OR4D2: variants seen among roughly 807,000 people sequenced by gnomAD.
The protein encoded by OR4D2 is olfactory receptor family 4 subfamily D member 2.
In OR4D2, 9 loss-of-function variants were observed where a neutral mutation model predicts 12.4. The ratio of observed to expected loss-of-function variants is 0.73; its 90% confidence interval spans 0.44 to 1.27. OR4D2 has a LOEUF of 1.27. OR4D2 is among the 50% of genes most tolerant of loss of function. OR4D2 has a pLI of 0.00. For synonymous variants in OR4D2, 151 were observed against 151.1 expected, an observed-to-expected ratio of 1.00 and a Z score of 0.01; for missense variants, 373 against 381.6, an observed-to-expected ratio of 0.98 and a Z score of 0.19.
intron 1 of OR4D2, among the ~76,000 whole-genome samples, chr17:58,168,129 G>C (rs1056521401): frequency 1.3e-5 from 2 of 150,150 alleles, no homozygotes; most frequent in Non-Finnish European, 3.0e-5. Context: ...GAGGGTAAGA[G>C]AGATTGAGAC....
At chr17:58,168,238 G>A (rs901762678) in intron 1 of OR4D2, among the ~76,000 whole-genome samples, 23 of 150,624 alleles carry the variant, frequency 1.5e-4, no homozygotes, top group Non-Finnish European at 3.0e-4. Context: ...ACAGAGTCTC[G>A]CTCTGTCACC....
rs1037544416 is a variant in OR4D2, at chr17:58,169,723, T to G, written c.68T>G (p.Leu23Arg). 2.5e-6 allele frequency: 4 copies of G among 1,613,864 alleles called. No homozygotes were observed. The highest frequency in any genetic ancestry group is 3.4e-6 in the Non-Finnish European group (4 of 1,179,848). ...CTGGGGCTCTCGCAGACTCGGGAGC[T>G]CCAGCGTTTCCTGTTTCTAATGTTC... ...VFLGLSQTRE[L>R]QRFLFLMFLF... Residue 23 changes from leucine to arginine, a missense_variant, in exon 2 of 2, where the codon CTC becomes CGC. Coordinates refer to ENST00000545221, the MANE Select transcript of OR4D2 (RefSeq NM_001004707.4).
In OR4D2 at chr17:58,170,786, G is replaced by T. The variant is rs1334394409; in HGVS notation, c.*207G>T. ...TGTGATAAAGAGTTTTAACACACTCGCAACAATGAGAATTGTTCACATGGC... is the reference window on the plus strand; with the variant it reads ...TGTGATAAAGAGTTTTAACACACTCTCAACAATGAGAATTGTTCACATGGC... On this transcript the variant is annotated 3_prime_UTR_variant, in exon 2 of 2. Coordinates refer to ENST00000545221, the MANE Select transcript of OR4D2 (RefSeq NM_001004707.4). The T allele has an allele frequency of 3.5e-6, 2 of 575,554 alleles. No homozygotes were observed. Among genetic ancestry groups the T allele is most frequent in the Admixed American group, 3.1e-5 (1 of 32,224 alleles). The allele number at this position is 575,554 out of a possible 1,614,324, so 35.7% of individuals were successfully genotyped here. A position where few individuals can be genotyped will look rare whatever the true frequency, so the allele number is the denominator to read the frequency against.
Position 58,170,246 on chromosome 17 carries a change from C to T in OR4D2, c.591C>T (p.Phe197=), listed in dbSNP as rs751904941. Residue 197 remains phenylalanine (F), a synonymous_variant, in exon 2 of 2, where the codon TTC becomes TTT. Transcript: ENST00000545221. The stretch of plus-strand genomic sequence containing the variant: ...GCACTGACACCTCACTGCTGGAGTT[C>T]CTCAAGATCTCCAACAGTGGGCTGC... ...LACTDTSLLE[F]LKISNSGLLD... is the part of the protein sequence containing the mutation. 1 of 1,614,196 alleles carries T rather than the reference C, an allele frequency of 6.2e-7. No individual in the cohort carries two copies. The highest frequency in any genetic ancestry group is 8.5e-7 in the Non-Finnish European group (1 of 1,180,018).
Position 58,170,518 on chromosome 17 carries a change from C to A in OR4D2, c.863C>A (p.Thr288Asn), listed in dbSNP as rs200728893. 7 of 1,614,042 alleles carry A rather than the reference C, an allele frequency of 4.3e-6. No individual in the cohort carries two copies. Among genetic ancestry groups the A allele is most frequent in the Admixed American group, 1.7e-5 (1 of 60,010 alleles). The change falls in exon 2 of 2, where the codon ACC becomes AAC. Residue 288 changes from threonine to asparagine, a missense_variant. Coordinates refer to ENST00000545221, the MANE Select transcript of OR4D2 (RefSeq NM_001004707.4). ...MTPMLNPMIY[T>N]LRNQDMQAAV... ...CCCATGCTCAACCCCATGATCTATA[C>A]CCTGAGGAACCAGGACATGCAGGCA...
intron 1 of OR4D2, among the ~76,000 whole-genome samples, 193 bp downstream of exon 1, chr17:58,167,246 T>C (rs1308744105): frequency 2.6e-5 from 4 of 152,180 alleles, no homozygotes; most frequent in Non-Finnish European, 4.4e-5. Context: ...AATGCTATAA[T>C]GGAGGTATTT....
In OR4D2 at chr17:58,170,515, A is replaced by G; in HGVS notation, c.860A>G (p.Tyr287Cys). Reference protein sequence around the residue: ...VMTPMLNPMIYTLRNQDMQAA... With the variant: ...VMTPMLNPMICTLRNQDMQAA... ...ACCCCCATGCTCAACCCCATGATCT[A>G]TACCCTGAGGAACCAGGACATGCAG... Residue 287 changes from tyrosine (Y) to cysteine (C), a missense_variant, in exon 2 of 2, where the codon TAT becomes TGT. Transcript: ENST00000545221. The G allele has an allele frequency of 6.2e-7, 1 of 1,614,212 alleles. No homozygotes were observed. Among genetic ancestry groups the G allele is most frequent in the African/African-American group, 1.3e-5 (1 of 75,060 alleles).
rs942163428 is a variant in OR4D2 at position 58,169,851 on chromosome 17, C to T, written c.196C>T (p.Leu66=). The T allele has an allele frequency of 1.9e-6, 3 of 1,614,096 alleles. No homozygotes were observed. The highest frequency in any genetic ancestry group is 1.6e-4 in the Middle Eastern group (1 of 6,084). ...HTPMYFLLRN[L]AVLDLCFSSV... is the part of the protein sequence containing the mutation. Reference sequence around the variant, plus strand: ...ACCCATGTACTTTCTGCTCCGAAACCTGGCTGTCCTAGACCTCTGTTTCTC... The same window carrying T: ...ACCCATGTACTTTCTGCTCCGAAACTTGGCTGTCCTAGACCTCTGTTTCTC... Residue 66 remains leucine, a synonymous_variant, in exon 2 of 2, where the codon CTG becomes TTG. Transcript: ENST00000545221.
intron 1 of OR4D2, chr17:58,169,332 T>A (rs894230538): frequency 5.6e-5 from 19 of 341,676 alleles, no homozygotes; most frequent in Admixed American, 5.6e-4. Flanking sequence ...TTACTCATGG[T>A]CAAATCACAA....
At position 58,169,791 on chromosome 17, in the gene OR4D2, A is replaced by T; in HGVS notation, c.136A>T (p.Ile46Phe). The T allele has an allele frequency of 6.2e-7, 1 of 1,614,102 alleles. No individual in the cohort carries two copies. Residue 46 changes from isoleucine to phenylalanine, a missense_variant, in exon 2 of 2, where the codon ATC becomes TTC. Physicochemically the swap from Ile to Phe is conservative, Grantham distance 21 (BLOSUM62 0). Coordinates refer to ENST00000545221, the MANE Select transcript of OR4D2 (RefSeq NM_001004707.4). ...CACTGTTATGGGAAACATCCTTATCATCATCACAGTGACCTCTGATTCCCA... is the reference window on the plus strand; with the variant it reads ...CACTGTTATGGGAAACATCCTTATCTTCATCACAGTGACCTCTGATTCCCA... The part of the protein sequence containing the change: ...ITTVMGNILI[I>F]ITVTSDSQLH...
rs147415520 is a variant in OR4D2 at position 58,170,898 on chromosome 17, C to T, written c.*319C>T. 184 of 354,366 alleles carry T rather than the reference C, an allele frequency of 5.2e-4. 1 individual carries two copies. Among genetic ancestry groups the T allele is most frequent in the African/African-American group, 3.1e-3 (146 of 46,946 alleles). The allele number at this position is 354,366 out of a possible 1,614,324, so 22.0% of individuals were successfully genotyped here. A position where few individuals can be genotyped will look rare whatever the true frequency, so the allele number is the denominator to read the frequency against. On this transcript the variant is annotated 3_prime_UTR_variant, in exon 2 of 2. Coordinates refer to ENST00000545221, the MANE Select transcript of OR4D2 (RefSeq NM_001004707.4). Reference sequence around the variant, plus strand: ...CCCCTGTGCGAACATTTCTATTTTCCGTATTTTGAGCTCTCTTCCCAATAT... The same window carrying T: ...CCCCTGTGCGAACATTTCTATTTTCTGTATTTTGAGCTCTCTTCCCAATAT...
rs766214616 is a variant in OR4D2 at position 58,169,977 on chromosome 17, G to A, written c.322G>A (p.Gly108Arg). The change falls in exon 2 of 2, where the codon GGA (glycine) becomes AGA (arginine). Residue 108 changes from glycine (G) to arginine (R), a missense_variant. Gly to Arg is a moderately radical substitution (Grantham distance 125). Coordinates refer to ENST00000545221, the MANE Select transcript of OR4D2 (RefSeq NM_001004707.4). Reference protein sequence around the residue: ...MGQIFFFHFLGGAMVFFLSVM... With the variant: ...MGQIFFFHFLRGAMVFFLSVM... ...TCAGATCTTCTTCTTCCACTTTTTG[G>A]GAGGTGCCATGGTCTTCTTCCTCTC... 10 of 1,613,860 alleles carry A rather than the reference G, an allele frequency of 6.2e-6. No individual in the cohort carries two copies. Among genetic ancestry groups the A allele is most frequent in the East Asian group, 2.2e-5 (1 of 44,878 alleles).
intron 1 of OR4D2, 47 bp from the exon 2 acceptor site, chr17:58,169,591 G>T: frequency 7.4e-7 from 1 of 1,356,492 alleles, no homozygotes; most frequent in Non-Finnish European, 1.1e-6. Flanking sequence ...CCCTGAAAGG[G>T]AAAGTAGTGA....
chr17:58,170,561 G>T lies in OR4D2; in HGVS notation c.906G>T (p.Gly302=), dbSNP rs752476771. The T allele has an allele frequency of 3.7e-6, 6 of 1,613,980 alleles. No individual in the cohort carries two copies. The highest frequency in any genetic ancestry group is 4.2e-6 in the Non-Finnish European group (5 of 1,179,954). ...TGCAGGCAGCAGTGAGAAGATTAGG[G>T]AGACACCGGCTGGTTTGAGAGTGAC... The part of the protein sequence containing the change: ...QDMQAAVRRL[G]RHRLV The change falls in exon 2 of 2, where the codon GGG becomes GGT. Residue 302 remains glycine, a synonymous_variant. Coordinates refer to ENST00000545221, the MANE Select transcript of OR4D2 (RefSeq NM_001004707.4).
rs1304487807 is a variant in OR4D2, at chr17:58,170,758, G to A, written c.*179G>A. On this transcript the variant is annotated 3_prime_UTR_variant, in exon 2 of 2. Transcript: ENST00000545221. Reference sequence around the variant, plus strand: ...GAAAGTATCCTCTTTGGTGGTTAAGGTTTGTGATAAAGAGTTTTAACACAC... The same window carrying A: ...GAAAGTATCCTCTTTGGTGGTTAAGATTTGTGATAAAGAGTTTTAACACAC... 1.3e-5 allele frequency: 8 copies of A among 613,202 alleles called. No homozygotes were observed. Among genetic ancestry groups the A allele is most frequent in the Non-Finnish European group, 2.3e-5 (8 of 345,088 alleles). The allele number at this position is 613,202 out of a possible 1,614,324, so 38.0% of individuals were successfully genotyped here.
chr17:58,167,896 G>T (rs1409814908), intron 1 of OR4D2, among the ~76,000 whole-genome samples: 1 of 151,138 alleles, frequency 6.6e-6, no homozygotes, highest in Admixed American at 6.6e-5. Flanking sequence ...CCAGCTACGC[G>T]GGAGGCTGAG....
chr17:58,167,146 G>A (rs959528165), intron 1 of OR4D2, 93 bp downstream of exon 1: 14 of 152,246 alleles, frequency 9.2e-5, no homozygotes, highest in African/African-American at 3.4e-4. Context: ...TTCTGAGCAA[G>A]TGCTAAATCA....
At chr17:58,167,749 T>C (rs1035411536) in intron 1 of OR4D2, among the ~76,000 whole-genome samples, 3 of 150,690 alleles carry the variant, frequency 2.0e-5, no homozygotes, top group African/African-American at 7.3e-5. Flanking sequence ...GCGCGGTGGC[T>C]CATGCCTGTA....
Position 58,170,267 on chromosome 17 carries a change from G to T in OR4D2, c.612G>T (p.Gly204=), listed in dbSNP as rs959892368. The change falls in exon 2 of 2, where the codon GGG becomes GGT. Residue 204 remains glycine (G), a synonymous_variant. Coordinates refer to ENST00000545221, the MANE Select transcript of OR4D2 (RefSeq NM_001004707.4). ...LLEFLKISNS[G]LLDVVWFFLL... is the part of the protein sequence containing the mutation. ...AGTTCCTCAAGATCTCCAACAGTGG[G>T]CTGCTGGATGTCGTCTGGTTCTTCC... 1 of 1,614,124 alleles carries T rather than the reference G, an allele frequency of 6.2e-7. No individual in the cohort carries two copies. Among genetic ancestry groups the T allele is most frequent in the African/African-American group, 1.3e-5 (1 of 75,042 alleles).
Sources: gnomAD v4.1 joint callset for allele counts (sites outside exome capture counted in the v4.1 genomes callset) on GRCh38, gnomAD v4.1.1 for gene constraint, MANE v1.5 for transcripts, NCBI Gene and HGNC (gene_info 2026-07-23, HGNC 2026-07-21) for gene names.